PRKN: variants seen among roughly 807,000 people sequenced by gnomAD.
The protein encoded by PRKN is parkin RBR E3 ubiquitin protein ligase, also known as E3 ubiquitin-protein ligase parkin.
PRKN carries 56 observed loss-of-function variants against 59.5 expected under a neutral mutation model. The ratio of observed to expected loss-of-function variants is 0.94; its 90% CI spans 0.76 to 1.18. The LOEUF (loss-of-function observed/expected upper bound fraction) is 1.18, where lower values mean the gene tolerates loss of function less well. Among genes scored for constraint, PRKN ranks in the 50% most tolerant of loss-of-function variants. PRKN has a pLI of 0.00. For synonymous variants in PRKN, 250 were observed against 222.1 expected, an observed-to-expected ratio of 1.13 and a Z score of -1.12; for missense variants, 657 against 596.4, an observed-to-expected ratio of 1.10 and a Z score of -1.06.
chr6:161,559,049 T>TAAA (rs3032921), intron 8 of PRKN, among the ~76,000 whole-genome samples: 1,658 of 117,136 alleles, frequency 0.014, 29 homozygotes, highest in African/African-American at 0.039. Flanking sequence ...AAACAAGACC[T>TAAA]AAAAAAAAAA....
intron 7 of PRKN, among the ~76,000 whole-genome samples, chr6:161,699,682 A>G (rs1163574872): frequency 2.0e-5 from 3 of 152,146 alleles, no homozygotes; most frequent in Non-Finnish European, 4.4e-5. Context: ...TGCATTGACA[A>G]CAAGCACAGT....
chr6:162,093,161 G>A lies in PRKN; in HGVS notation c.535-38987C>T, dbSNP rs114835519. Among the ~76,000 whole-genome samples the A allele has an allele frequency of 3.3e-3, 509 of 152,232 alleles. 2 individuals carry two copies. Among genetic ancestry groups the A allele is most frequent in the African/African-American group, 0.012 (481 of 41,550 alleles). Reference sequence around the variant, plus strand: ...AGTAGCCCCAATTCCCAGAAAATACGCAACTCCATGACCCAGGTGAGATTA... The same window carrying A: ...AGTAGCCCCAATTCCCAGAAAATACACAACTCCATGACCCAGGTGAGATTA... On this transcript the variant is annotated intron_variant, in intron 4 of 11. Transcript: ENST00000366898.
rs1554302783 is a variant in PRKN at position 162,346,453 on chromosome 6, C to CAA, written c.172-83690_172-83689dup. 4.5e-3 allele frequency among the ~76,000 whole-genome samples: 228 copies of CAA among 50,644 alleles called. 1 individual carries two copies. Among genetic ancestry groups the CAA allele is most frequent in the African/African-American group, 0.016 (211 of 13,516 alleles). The allele number at this position is 50,644 out of a possible 152,430, so 33.2% of individuals were successfully genotyped here. A position where few individuals can be genotyped will look rare whatever the true frequency, so the allele number is the denominator to read the frequency against. On this transcript the variant is annotated intron_variant, in intron 2 of 11. Transcript: ENST00000366898. ...CAACATAGTGAAAAATCTGTCTCTA[C>CAA]AAAAAAAAAAAAAAAAAGCTAGCCA...
chr6:161,726,052 C>A (rs956156471), intron 7 of PRKN, among the ~76,000 whole-genome samples: 1 of 152,204 alleles, frequency 6.6e-6, no homozygotes, highest in Non-Finnish European at 1.5e-5. Context: ...ACTGACTTCA[C>A]TTCACAAATC....
At chr6:161,979,862 C>T (rs1259329589) in intron 5 of PRKN, among the ~76,000 whole-genome samples, 2 of 152,106 alleles carry the variant, frequency 1.3e-5, no homozygotes, top group African/African-American at 4.8e-5. Context: ...ACTTATGTCC[C>T]TTCACCCATG....
At chr6:162,694,324 C>T (rs1777894283) in intron 1 of PRKN, among the ~76,000 whole-genome samples, 1 of 149,934 alleles carries the variant, frequency 6.7e-6, no homozygotes, top group South Asian at 2.1e-4. Context: ...ACCTCTATTG[C>T]TTCTCTCATT....
intron 9 of PRKN, among the ~76,000 whole-genome samples, chr6:161,535,635 C>T (rs114537118): frequency 1.3e-5 from 2 of 152,212 alleles, no homozygotes; most frequent in South Asian, 4.1e-4. Flanking sequence ...TAACTTTTCT[C>T]TGTCGGAATA....
chr6:162,524,323 C>T (rs982177453), intron 1 of PRKN, among the ~76,000 whole-genome samples: 3 of 152,130 alleles, frequency 2.0e-5, no homozygotes, highest in African/African-American at 7.2e-5. Flanking sequence ...TTTTAATAAA[C>T]GTCTCTGTGT....
intron 4 of PRKN, among the ~76,000 whole-genome samples, chr6:162,107,920 A>G (rs1780262295): frequency 6.6e-6 from 1 of 152,234 alleles, no homozygotes; most frequent in African/African-American, 2.4e-5. Flanking sequence ...TCCAAGCCCA[A>G]AATTTATTTG....
Position 161,447,540 on chromosome 6 carries a change from C to A in PRKN, c.1084-60663G>T. 6.6e-6 allele frequency among the ~76,000 whole-genome samples: 1 copy of A among 152,148 alleles called. No individual in the cohort carries two copies. The highest frequency in any genetic ancestry group is 1.9e-4 in the East Asian group (1 of 5,182). On this transcript the variant is annotated intron_variant, in intron 9 of 11. Coordinates refer to ENST00000366898, the MANE Select transcript of PRKN (RefSeq NM_004562.3). This position sits in a 1 kb window ranked among gnomAD's most constrained non-coding sequence, Gnocchi z 4.1. ...ATGGAGTCTCTCTCTGTCGCCCAGG[C>A]TGGAGTGCAGTGGAGTGATCTCAGC...
intron 1 of PRKN, among the ~76,000 whole-genome samples, chr6:162,538,748 C>T (rs938662799): frequency 9.9e-5 from 15 of 152,214 alleles, no homozygotes; most frequent in African/African-American, 3.6e-4. Flanking sequence ...TCAAAAAGCA[C>T]TGTCGTCAGC....
chr6:161,895,468 C>T (rs1235948776), intron 6 of PRKN, among the ~76,000 whole-genome samples: 1 of 143,670 alleles, frequency 7.0e-6, no homozygotes, highest in African/African-American at 2.9e-5. Flanking sequence ...GGAGCCAAAC[C>T]CCAGTGAGGC....
chr6:162,070,732 C>G (rs537848269), intron 4 of PRKN, among the ~76,000 whole-genome samples: 1 of 152,246 alleles, frequency 6.6e-6, no homozygotes, highest in South Asian at 2.1e-4. Flanking sequence ...AACCTAGATC[C>G]CCCACATGCA....
intron 5 of PRKN, among the ~76,000 whole-genome samples, chr6:162,010,901 C>A (rs192732946): frequency 0.32 from 2,130 of 6,622 alleles, 621 homozygotes; most frequent in African/African-American, 0.76. Context: ...ATTATATATA[C>A]TATAATATAT....
chr6:161,564,366 C>T (rs146357251), intron 8 of PRKN, among the ~76,000 whole-genome samples: 28 of 152,342 alleles, frequency 1.8e-4, no homozygotes, highest in African/African-American at 6.5e-4. Context: ...TCCACATCCA[C>T]TCTGTGTATC....
At chr6:161,820,054 T>C (rs1008103553) in intron 6 of PRKN, among the ~76,000 whole-genome samples, 4 of 152,222 alleles carry the variant, frequency 2.6e-5, no homozygotes, top group East Asian at 1.9e-4. Flanking sequence ...CCACAGAAAA[T>C]AGGCCAGTGA....
intron 5 of PRKN, among the ~76,000 whole-genome samples, chr6:162,048,626 T>G (rs1365850463): frequency 6.6e-6 from 1 of 151,918 alleles, no homozygotes; most frequent in Non-Finnish European, 1.5e-5. Flanking sequence ...AAGGCCAGTG[T>G]GTCCAATCTT....
intron 4 of PRKN, among the ~76,000 whole-genome samples, chr6:162,191,567 T>C (rs569351045): frequency 6.6e-6 from 1 of 152,240 alleles, no homozygotes; most frequent in African/African-American, 2.4e-5. Context: ...CTCAGCCTCC[T>C]GAGTAGCTGG....
At chr6:161,780,549 T>C (rs549286990) in intron 7 of PRKN, among the ~76,000 whole-genome samples, 1 of 152,270 alleles carries the variant, frequency 6.6e-6, no homozygotes, top group African/African-American at 2.4e-5. Context: ...AAAAGAATAA[T>C]GAATAACTTA....
Sources: gnomAD v4.1 joint callset for allele counts (sites outside exome capture counted in the v4.1 genomes callset) on GRCh38, gnomAD v4.1.1 for gene constraint, Gnocchi (gnomAD v3.1) non-coding constraint, MANE v1.5 for transcripts, NCBI Gene and HGNC (gene_info 2026-07-23, HGNC 2026-07-21) for gene names.